IRAG1: variants seen among roughly 807,000 people sequenced by gnomAD.
The protein encoded by IRAG1 is IP3R-associated cGMP kinase substrate.
Under a neutral mutation model 106.2 loss-of-function variants are expected in IRAG1, and 62 were observed. That is an observed-to-expected ratio of 0.58 (90% CI 0.48 to 0.72). The LOEUF is 0.72. Among genes scored for constraint, IRAG1 ranks in the 30% least tolerant of loss-of-function variants. The probability of loss-of-function intolerance (pLI) is 0.00; values close to 1 mark genes in which losing one functional copy is unlikely to be tolerated. For missense variants in IRAG1, 1,064 were observed against 1,140.7 expected (o/e 0.93, Z 0.97); for synonymous variants, 462 against 443.9 (o/e 1.04, Z -0.51).
At chr11:10,637,864 A>G (rs1857252547) in intron 2 of IRAG1, among the ~76,000 whole-genome samples, 1 of 152,184 alleles carries the variant, frequency 6.6e-6, no homozygotes, top group African/African-American at 2.4e-5. Flanking sequence ...GTAGCCAGAT[A>G]GAGGGGGCAG....
At chr11:10,689,425 T>C (rs145821655) in intron 1 of IRAG1, among the ~76,000 whole-genome samples, 189 of 152,340 alleles carry the variant, frequency 1.2e-3, no homozygotes, top group Middle Eastern at 3.4e-3. Context: ...ATAATGTTCT[T>C]ACAATGTGAT....
At chr11:10,616,983 A>G in intron 10 of IRAG1, 1 of 975,230 alleles carries the variant, frequency 1.0e-6, no homozygotes, top group Non-Finnish European at 1.2e-6. Context: ...AGATGCTCTG[A>G]GTCCCAGGAT....
chr11:10,611,321 T>C (rs930952474), intron 10 of IRAG1, among the ~76,000 whole-genome samples: 3 of 152,198 alleles, frequency 2.0e-5, no homozygotes, highest in African/African-American at 7.2e-5. Context: ...GTTTCTGTGG[T>C]AAACCTTGTG....
intron 1 of IRAG1, among the ~76,000 whole-genome samples, chr11:10,692,187 A>G (rs1205937448): frequency 7.7e-6 from 1 of 130,358 alleles, no homozygotes; most frequent in Non-Finnish European, 1.7e-5. Flanking sequence ...CACCCACCAA[A>G]TATGCATGCA....
rs1414789459 is a variant in IRAG1 at position 10,628,736 on chromosome 11, G to A, written c.652+15C>T. 6.6e-7 allele frequency: 1 copy of A among 1,523,878 alleles called. No homozygotes were observed. Among genetic ancestry groups the A allele is most frequent in the Non-Finnish European group, 8.8e-7 (1 of 1,140,748 alleles). The allele number at this position is 1,523,878 out of a possible 1,614,324, so 94.4% of individuals were successfully genotyped here. A position where few individuals can be genotyped will look rare whatever the true frequency, so the allele number is the denominator to read the frequency against. On this transcript the variant is annotated intron_variant, in intron 6 of 20. Coordinates refer to ENST00000423302, the MANE Select transcript of IRAG1 (RefSeq NM_130385.4). The surrounding 1 kb of genome is among the most constrained non-coding windows in gnomAD (Gnocchi z 4.1). ...GAGAGGCAGGGCAGGAAGTCCCCGG[G>A]CAGCTGGGCCTCACCTGGCGGGGTG...
rs886292836 is a variant in IRAG1, at chr11:10,659,503, G to A, written c.68-7321C>T. ...TCGGGAGGCTGGCCCTGAGAACCCCGACAATCCTGGGGTTTGCACCTCTGT... is the reference window on the plus strand; with the variant it reads ...TCGGGAGGCTGGCCCTGAGAACCCCAACAATCCTGGGGTTTGCACCTCTGT... On this transcript the variant is annotated intron_variant, in intron 1 of 20. Coordinates refer to ENST00000423302, the MANE Select transcript of IRAG1 (RefSeq NM_130385.4). This position sits in a 1 kb window ranked among gnomAD's most constrained non-coding sequence, Gnocchi z 4.1. 1.3e-5 allele frequency among the ~76,000 whole-genome samples: 2 copies of A among 152,128 alleles called. No individual in the cohort carries two copies. Among genetic ancestry groups the A allele is most frequent in the African/African-American group, 2.4e-5 (1 of 41,424 alleles).
At chr11:10,577,463 C>G (rs1850942789) in intron 20 of IRAG1, among the ~76,000 whole-genome samples, 1 of 152,162 alleles carries the variant, frequency 6.6e-6, no homozygotes, top group Non-Finnish European at 1.5e-5. Context: ...TTCTAGAGCT[C>G]TCTGAAGAAG....
At chr11:10,618,180 C>T (rs1157516533) in intron 10 of IRAG1, among the ~76,000 whole-genome samples, 1 of 152,002 alleles carries the variant, frequency 6.6e-6, no homozygotes, top group Non-Finnish European at 1.5e-5. Flanking sequence ...AAGATGCCTA[C>T]ATGCTTTTGC....
intron 15 of IRAG1, chr11:10,595,879 G>A (rs1853247550): frequency 6.6e-6 from 1 of 152,090 alleles, no homozygotes; most frequent in Non-Finnish European, 1.5e-5. Flanking sequence ...CTTGGTACCT[G>A]TTGTTCCCTT....
chr11:10,584,976 A>AT (rs1487150746), intron 18 of IRAG1, among the ~76,000 whole-genome samples: 2 of 152,198 alleles, frequency 1.3e-5, no homozygotes, highest in Non-Finnish European at 2.9e-5. Context: ...CCAGGCAATT[A>AT]TTTATATCAT....
At chr11:10,641,623 C>G (rs1349731700) in intron 2 of IRAG1, among the ~76,000 whole-genome samples, 1 of 152,184 alleles carries the variant, frequency 6.6e-6, no homozygotes, top group East Asian at 1.9e-4. Context: ...TCCCAGACCC[C>G]CCTCGTGTTT....
intron 1 of IRAG1, among the ~76,000 whole-genome samples, chr11:10,688,135 A>G (rs932755509): frequency 6.6e-6 from 1 of 152,070 alleles, no homozygotes; most frequent in Non-Finnish European, 1.5e-5. Context: ...TGTGGTCCCA[A>G]GCATTTTGGT....
chr11:10,636,736 A>C (rs1477361583), intron 2 of IRAG1, among the ~76,000 whole-genome samples: 2 of 152,134 alleles, frequency 1.3e-5, no homozygotes, highest in Non-Finnish European at 1.5e-5. Flanking sequence ...GGAAAAGAAA[A>C]CTCTTTAGTG....
chr11:10,624,403 A>T (rs1386704248), intron 9 of IRAG1, among the ~76,000 whole-genome samples: 4 of 151,628 alleles, frequency 2.6e-5, no homozygotes, highest in Non-Finnish European at 2.9e-5. Flanking sequence ...TCTCCAGAAA[A>T]GTGAGGCCTG....
At chr11:10,596,022 T>C (rs909922202) in intron 15 of IRAG1, among the ~76,000 whole-genome samples, 1 of 152,200 alleles carries the variant, frequency 6.6e-6, no homozygotes, top group African/African-American at 2.4e-5. Flanking sequence ...GCAAAAGAGG[T>C]GATCTCATTC....
rs1343754652 is a variant in IRAG1, at chr11:10,693,611, A to G, written c.-9T>C. 3.7e-5 allele frequency: 57 copies of G among 1,534,812 alleles called. No individual in the cohort carries two copies. Among genetic ancestry groups the G allele is most frequent in the Non-Finnish European group, 5.0e-5 (57 of 1,146,850 alleles). On this transcript the variant is annotated 5_prime_UTR_variant, in exon 1 of 21. Transcript: ENST00000423302. ...TGGGGAGCTTTTACCATTTAAGGTC[A>G]ATGTTACATCTGGCTCCGGAGCTCA...
chr11:10,633,171 T>C (rs1391698058), intron 3 of IRAG1, among the ~76,000 whole-genome samples: 3 of 150,444 alleles, frequency 2.0e-5, no homozygotes, highest in Non-Finnish European at 4.4e-5. Context: ...GCCTCCCGGG[T>C]TCACGCCATT....
At chr11:10,672,485 C>T (rs2135118534) in intron 1 of IRAG1, among the ~76,000 whole-genome samples, 1 of 152,216 alleles carries the variant, frequency 6.6e-6, no homozygotes, top group African/African-American at 2.4e-5. Flanking sequence ...GATAAAAAGA[C>T]AAGTAATACA....
chr11:10,661,486 C>G lies in IRAG1; in HGVS notation c.68-9304G>C, dbSNP rs191734405. Among the ~76,000 whole-genome samples the G allele has an allele frequency of 9.2e-5, 14 of 152,346 alleles. No individual in the cohort carries two copies. In the East Asian group the frequency reaches 2.5e-3, roughly 27 times the overall value. The stretch of plus-strand genomic sequence containing the variant: ...TTGAGGTCAGAAGTTCAAAATCCAT[C>G]TCAGCAGGCTAAAGTCTAAGCATCA... On this transcript the variant is annotated intron_variant, in intron 1 of 20. Coordinates refer to ENST00000423302, the MANE Select transcript of IRAG1 (RefSeq NM_130385.4).
Sources: gnomAD v4.1 joint callset for allele counts (sites outside exome capture counted in the v4.1 genomes callset) on GRCh38, gnomAD v4.1.1 for gene constraint, Gnocchi (gnomAD v3.1) non-coding constraint, MANE v1.5 for transcripts, NCBI Gene and HGNC (gene_info 2026-07-23, HGNC 2026-07-21) for gene names.